The following CHD2 variants were observed in gnomAD, a reference collection of about 807,000 sequenced individuals.
CHD2 encodes the protein ATP-dependent chromatin remodeler CHD2.
Under a neutral mutation model 243.9 loss-of-function variants are expected in CHD2, and 28 were observed. That is an observed-to-expected ratio of 0.11 (90% CI 0.09 to 0.16). The LOEUF is 0.16. Among genes scored for constraint, CHD2 ranks in the 10% least tolerant of loss-of-function variants. The pLI is 1.00. For synonymous variants in CHD2, 775 were observed against 779.0 expected, an observed-to-expected ratio of 0.99 and a Z score of 0.09; for missense variants, 1,386 against 2,209.8, an observed-to-expected ratio of 0.63 and a Z score of 7.47.
chr15:92,906,626 C>T (rs1259518281), intron 2 of CHD2, among the ~76,000 whole-genome samples: 1 of 148,036 alleles, frequency 6.8e-6, no homozygotes, highest in African/African-American at 2.5e-5. Flanking sequence ...AGTGACTGCT[C>T]TGTGTCAGCC....
intron 2 of CHD2, among the ~76,000 whole-genome samples, chr15:92,905,328 T>TC (rs1312332532): frequency 2.0e-5 from 3 of 152,286 alleles, no homozygotes; most frequent in South Asian, 2.1e-4. Context: ...TTGGAAACCT[T>TC]TACAAGGATT....
intron 26 of CHD2, among the ~76,000 whole-genome samples, chr15:92,990,898 A>G (rs1462025712): frequency 6.6e-6 from 1 of 152,168 alleles, no homozygotes; most frequent in Non-Finnish European, 1.5e-5. Context: ...AGGAAGATAG[A>G]TTGGATTTTT....
In CHD2 at chr15:93,002,224, AGAGAACAAG is replaced by A. The variant is rs779732210; in HGVS notation, c.4200_4208del (p.Asn1400_Glu1402del). 32 of 1,601,652 alleles carry A rather than the reference AGAGAACAAG, an allele frequency of 2.0e-5. No homozygotes were observed. Among genetic ancestry groups the A allele is most frequent in the Non-Finnish European group, 2.4e-5 (28 of 1,175,378 alleles). On this transcript the variant is annotated inframe_deletion, in exon 33 of 39. Transcript: ENST00000394196. ...CAATGAAAAAAAAACAGAAGAAGAA[AGAGAACAAG>A]GAGAACAAGGAGAAACAAATGAGTT...
At chr15:93,017,134 T>G (rs2054472182) in intron 37 of CHD2, among the ~76,000 whole-genome samples, 1 of 152,220 alleles carries the variant, frequency 6.6e-6, no homozygotes, top group Non-Finnish European at 1.5e-5. Context: ...CTCTGCGGGT[T>G]GTCTGTTCCT....
rs78759222 is a variant in CHD2, at chr15:92,969,881, A to C, written c.2190-1884A>C. 8.3e-3 allele frequency among the ~76,000 whole-genome samples: 1,224 copies of C among 148,036 alleles called. 16 individuals carry two copies. Among genetic ancestry groups the C allele is most frequent in the African/African-American group, 0.026 (1,044 of 40,154 alleles). On this transcript the variant is annotated intron_variant, in intron 17 of 38. Coordinates refer to ENST00000394196, the MANE Select transcript of CHD2 (RefSeq NM_001271.4). Reference sequence around the variant, plus strand: ...GGCTGGAGTGTAGTGGCACGATCTCAGCTTACTGCAACAGGATTTTCTTTT... The same window carrying C: ...GGCTGGAGTGTAGTGGCACGATCTCCGCTTACTGCAACAGGATTTTCTTTT...
intron 9 of CHD2, chr15:92,943,773 G>A (rs2053419465): frequency 6.6e-6 from 1 of 152,496 alleles, no homozygotes; most frequent in Admixed American, 6.5e-5. Flanking sequence ...TTTTGTGTCT[G>A]GAATGTGCAT....
At chr15:92,928,425 G>A (rs1427633846) in intron 4 of CHD2, among the ~76,000 whole-genome samples, 1 of 152,216 alleles carries the variant, frequency 6.6e-6, no homozygotes, top group Non-Finnish European at 1.5e-5. Flanking sequence ...CTACTGAAAT[G>A]TCTGTGACTG....
At chr15:92,914,451 A>C (rs1052986118) in intron 2 of CHD2, among the ~76,000 whole-genome samples, 2 of 152,224 alleles carry the variant, frequency 1.3e-5, no homozygotes, top group Admixed American at 6.5e-5. Flanking sequence ...CCTGGGTGCT[A>C]ATAGTTTGGT....
rs376550364 is a variant in CHD2 at position 92,998,565 on chromosome 15, T to C, written c.3952T>C (p.Leu1318=). ...KQLQTRADYL[L]KLLRKGLEKK... ...GCTACAGACCCGAGCGGATTACTTGTTGAAGCTGCTCAGAAAGGGTCTGGA... is the reference window on the plus strand; with the variant it reads ...GCTACAGACCCGAGCGGATTACTTGCTGAAGCTGCTCAGAAAGGGTCTGGA... The change falls in exon 31 of 39, where the codon TTG becomes CTG. Residue 1318 remains leucine (L), a synonymous_variant. Coordinates refer to ENST00000394196, the MANE Select transcript of CHD2 (RefSeq NM_001271.4). This position sits in a 1 kb window ranked among gnomAD's most constrained non-coding sequence, Gnocchi z 5.1. The C allele has an allele frequency of 1.2e-6, 2 of 1,613,562 alleles. No homozygotes were observed. Among genetic ancestry groups the C allele is most frequent in the African/African-American group, 2.7e-5 (2 of 74,846 alleles).
intron 28 of CHD2, among the ~76,000 whole-genome samples, chr15:92,995,300 G>T (rs960386015): frequency 6.6e-6 from 1 of 151,930 alleles, no homozygotes; most frequent in Non-Finnish European, 1.5e-5. Context: ...ATTTAGATTC[G>T]ATTTAATTTT....
chr15:92,938,527 AC>A (rs1285058106), intron 6 of CHD2, among the ~76,000 whole-genome samples: 8 of 152,208 alleles, frequency 5.3e-5, no homozygotes, highest in Non-Finnish European at 4.4e-5. Context: ...CATTGTACTT[AC>A]CCCCCAACAC....
At chr15:93,007,177 T>G (rs2054332602) in intron 34 of CHD2, among the ~76,000 whole-genome samples, 1 of 152,254 alleles carries the variant, frequency 6.6e-6, no homozygotes, top group Non-Finnish European at 1.5e-5. Context: ...GAATTCAAGT[T>G]CTGATTGCTG....
chr15:92,998,694 GA>G lies in CHD2; in HGVS notation c.4008+74del. On this transcript the variant is annotated intron_variant, in intron 31 of 38. Transcript: ENST00000394196. This position sits in a 1 kb window ranked among gnomAD's most constrained non-coding sequence, Gnocchi z 5.1. ...CCCTGCAGAATTAGGTAGGAAGAGA[GA>G]GGCCCTCTCTGAGCACTGCACAGAA... 6.4e-7 allele frequency: 1 copy of G among 1,560,944 alleles called. No individual in the cohort carries two copies. The highest frequency in any genetic ancestry group is 8.7e-7 in the Non-Finnish European group (1 of 1,147,484).
chr15:92,953,305 GT>G, intron 13 of CHD2, 51 bp from the exon 14 acceptor site: 1 of 1,484,216 alleles, frequency 6.7e-7, no homozygotes, highest in Non-Finnish European at 9.4e-7. Flanking sequence ...CACATTCTGT[GT>G]TTTGGTGAAC....
intron 28 of CHD2, 37 bp from the exon 29 acceptor site, chr15:92,996,920 A>G (rs1384708125): frequency 3.2e-6 from 5 of 1,584,102 alleles, no homozygotes; most frequent in Non-Finnish European, 4.3e-6. Context: ...ACTTCTGCAG[A>G]TTTTCATTTA....
chr15:93,010,042 A>G (rs1177437008), intron 35 of CHD2, among the ~76,000 whole-genome samples: 1 of 152,106 alleles, frequency 6.6e-6, no homozygotes, highest in Admixed American at 6.6e-5. Context: ...TTCCCCCCAG[A>G]GTCCGTTATA....
At chr15:92,942,404 G>A (rs2053396767) in intron 8 of CHD2, among the ~76,000 whole-genome samples, 1 of 146,374 alleles carries the variant, frequency 6.8e-6, no homozygotes, top group Admixed American at 6.8e-5. Context: ...TTTTCTTTTG[G>A]CTTTTTTTTT....
At chr15:92,939,747 G>T in intron 7 of CHD2, 29 bp downstream of exon 7, 1 of 1,602,778 alleles carries the variant, frequency 6.2e-7, no homozygotes. Context: ...GTGTTTCACT[G>T]GTGTGATGTG....
intron 2 of CHD2, among the ~76,000 whole-genome samples, chr15:92,913,112 TA>T (rs984648622): frequency 6.6e-6 from 1 of 152,220 alleles, no homozygotes; most frequent in East Asian, 1.9e-4. Flanking sequence ...GCTTGAAAGT[TA>T]AAAAATTCAG....
Sources: gnomAD v4.1 joint callset for allele counts (sites outside exome capture counted in the v4.1 genomes callset) on GRCh38, gnomAD v4.1.1 for gene constraint, Gnocchi (gnomAD v3.1) non-coding constraint, MANE v1.5 for transcripts, NCBI Gene and HGNC (gene_info 2026-07-23, HGNC 2026-07-21) for gene names.